The following RUSC2 variants were observed in gnomAD, a reference collection of about 807,000 sequenced individuals.
The protein encoded by RUSC2 is RUN and SH3 domain containing 2, also known as AP-4 complex accessory subunit RUSC2.
RUSC2 carries 34 observed loss-of-function variants against 122.2 expected under a neutral mutation model. The observed-to-expected ratio is 0.28, with a 90% CI of 0.21 to 0.37. The LOEUF (loss-of-function observed/expected upper bound fraction) is 0.37, where lower values mean the gene tolerates loss of function less well. Ranked by LOEUF, RUSC2 falls within the 10% of genes least tolerant of loss-of-function variation. The probability of loss-of-function intolerance (pLI) is 1.00; values close to 1 mark genes in which losing one functional copy is unlikely to be tolerated. For synonymous variants in RUSC2, 784 were observed against 790.0 expected, an observed-to-expected ratio of 0.99 and a Z score of 0.13; for missense variants, 1,747 against 1,952.4, an observed-to-expected ratio of 0.89 and a Z score of 1.98.
chr9:35,503,050 T>C (rs1221861519), intron 1 of RUSC2, among the ~76,000 whole-genome samples: 1 of 151,946 alleles, frequency 6.6e-6, no homozygotes, highest in East Asian at 1.9e-4. Context: ...TTAGTAGAGA[T>C]AGGGTTTCAT....
At chr9:35,544,714 CTT>C (rs1232755503) in intron 1 of RUSC2, among the ~76,000 whole-genome samples, 2 of 151,694 alleles carry the variant, frequency 1.3e-5, no homozygotes, top group African/African-American at 4.8e-5. Flanking sequence ...TATGGATTGT[CTT>C]TTCACTTTCT....
In RUSC2 at chr9:35,538,030, G is replaced by C. The variant is rs147819628; in HGVS notation, c.-92-8400G>C. ...TCTGTAGGTCTCCAGGCAGAACTGAGATTTTTCTGTGGCCTAGGAGAGACC... is the reference window on the plus strand; with the variant it reads ...TCTGTAGGTCTCCAGGCAGAACTGACATTTTTCTGTGGCCTAGGAGAGACC... On this transcript the variant is annotated intron_variant, in intron 1 of 11. Transcript: ENST00000361226. 1.4e-4 allele frequency among the ~76,000 whole-genome samples: 22 copies of C among 152,298 alleles called. No homozygotes were observed. In the East Asian group the frequency reaches 4.1e-3, roughly 28 times the overall value.
chr9:35,528,987 T>C (rs963005991), intron 1 of RUSC2, among the ~76,000 whole-genome samples: 1 of 152,208 alleles, frequency 6.6e-6, no homozygotes, highest in Admixed American at 6.6e-5. Context: ...ATAAATTAGC[T>C]TAAAAGCCTT....
intron 5 of RUSC2, among the ~76,000 whole-genome samples, chr9:35,556,713 G>C (rs964881000): frequency 1.3e-5 from 2 of 152,216 alleles, no homozygotes. Flanking sequence ...TGTAATCCCA[G>C]CTACTCGGGA....
intron 1 of RUSC2, among the ~76,000 whole-genome samples, chr9:35,537,839 C>A (rs117463696): frequency 3.9e-5 from 6 of 152,324 alleles, no homozygotes; most frequent in Non-Finnish European, 8.8e-5. Context: ...TTAAGACTAT[C>A]TCTGTGTTCA....
intron 2 of RUSC2, among the ~76,000 whole-genome samples, chr9:35,551,694 T>G (rs375322001): frequency 6.6e-6 from 1 of 152,216 alleles, no homozygotes; most frequent in Non-Finnish European, 1.5e-5. Flanking sequence ...CAAAAATGAA[T>G]GACAATTCAT....
At chr9:35,510,302 G>A (rs1458102351) in intron 1 of RUSC2, among the ~76,000 whole-genome samples, 2 of 152,096 alleles carry the variant, frequency 1.3e-5, no homozygotes, top group Non-Finnish European at 2.9e-5. Flanking sequence ...GCTTGAGCCC[G>A]GGAGTTCAAG....
intron 1 of RUSC2, among the ~76,000 whole-genome samples, chr9:35,541,247 C>T (rs528767405): frequency 2.0e-5 from 3 of 152,068 alleles, no homozygotes; most frequent in African/African-American, 7.2e-5. Flanking sequence ...TCTGTTTCTC[C>T]CCCATCCTCA....
chr9:35,507,562 A>C (rs928123235), intron 1 of RUSC2: 5 of 213,150 alleles, frequency 2.3e-5, no homozygotes, highest in African/African-American at 1.2e-4. Flanking sequence ...ACTCCAGCGA[A>C]CATGGTGAAT....
At chr9:35,531,956 G>A (rs1821428688) in intron 1 of RUSC2, among the ~76,000 whole-genome samples, 1 of 152,194 alleles carries the variant, frequency 6.6e-6, no homozygotes, top group African/African-American at 2.4e-5. Flanking sequence ...AACCCGGGAG[G>A]CAGAGCTTGC....
rs755538314 is a variant in RUSC2 at position 35,560,032 on chromosome 9, T to A, written c.3392T>A (p.Ile1131Asn). The change falls in exon 10 of 12, where the codon ATC becomes AAC. Residue 1131 changes from isoleucine to asparagine, a missense_variant. By Grantham distance (149) the Ile-to-Asn change is moderately radical. Coordinates refer to ENST00000361226, the MANE Select transcript of RUSC2 (RefSeq NM_014806.5). Reference sequence around the variant, plus strand: ...GTCCCTCTCTCTTTTCCCCTAGACATCATCCAGACCCACTACCAGCCCTGG... The same window carrying A: ...GTCCCTCTCTCTTTTCCCCTAGACAACATCCAGACCCACTACCAGCCCTGG... ...WFNHLYNHED[I>N]IQTHYQPWGF... 4 of 1,589,846 alleles carry A rather than the reference T, an allele frequency of 2.5e-6. No homozygotes were observed. The highest frequency in any genetic ancestry group is 1.1e-5 in the South Asian group (1 of 89,432).
chr9:35,550,116 G>A (rs1821857029), intron 2 of RUSC2, among the ~76,000 whole-genome samples: 1 of 151,836 alleles, frequency 6.6e-6, no homozygotes, highest in African/African-American at 2.4e-5. Context: ...GGAGGCTGAG[G>A]CAGGAGAATC....
chr9:35,524,831 C>T (rs112179183), intron 1 of RUSC2, among the ~76,000 whole-genome samples: 12,871 of 152,016 alleles, frequency 0.085, 749 homozygotes, highest in Non-Finnish European at 0.13. Context: ...ATTAGCCGGG[C>T]GTGGTGGCGG....
Position 35,558,407 on chromosome 9 carries a change from G to A in RUSC2, c.3235+36G>A. On this transcript the variant is annotated intron_variant, in intron 7 of 11. Transcript: ENST00000361226. This position sits in a 1 kb window ranked among gnomAD's most constrained non-coding sequence, Gnocchi z 4.3. ...GGTGCCAAGACGGGGACCCAGGGCT[G>A]AATTTAGGGCTCCAGAAATTGGTCA... is the stretch of plus-strand genomic sequence containing the variant. 6.2e-7 allele frequency: 1 copy of A among 1,613,972 alleles called. No homozygotes were observed. Among genetic ancestry groups the A allele is most frequent in the Non-Finnish European group, 8.5e-7 (1 of 1,179,852 alleles).
At chr9:35,529,189 G>C (rs1016486817) in intron 1 of RUSC2, among the ~76,000 whole-genome samples, 1 of 152,122 alleles carries the variant, frequency 6.6e-6, no homozygotes. Context: ...GAGATATAAA[G>C]AAAATGCATA....
intron 1 of RUSC2, among the ~76,000 whole-genome samples, chr9:35,542,082 T>C (rs947488399): frequency 2.6e-5 from 4 of 152,184 alleles, no homozygotes; most frequent in Non-Finnish European, 5.9e-5. Context: ...GGGCAAAGCA[T>C]GAGTACAAAA....
chr9:35,549,293 G>GTTTTTTTTTTTTTTTTTTTTTT (rs10625373), intron 2 of RUSC2: 1 of 755,186 alleles, frequency 1.3e-6, no homozygotes. Flanking sequence ...CGTCAGTGAA[G>GTTTTTTTTTTTTTTTTTTTTTT]TTTTTTTTTT....
At chr9:35,513,814 C>A (rs1821052254) in intron 1 of RUSC2, among the ~76,000 whole-genome samples, 1 of 147,298 alleles carries the variant, frequency 6.8e-6, no homozygotes, top group South Asian at 2.1e-4. Flanking sequence ...GAGTTTGAGA[C>A]CAGTGTGGGC....
Position 35,557,475 on chromosome 9 carries a change from C to T in RUSC2, c.2984-439C>T, listed in dbSNP as rs963137439. Among the ~76,000 whole-genome samples, 3 of 152,098 alleles carry T rather than the reference C, an allele frequency of 2.0e-5. No individual in the cohort carries two copies. Among genetic ancestry groups the T allele is most frequent in the Non-Finnish European group, 2.9e-5 (2 of 68,014 alleles). ...ACCAAGGGCTTGAGAGGAGGGGTGT[C>T]GATTTCACATGGCAACTTGAGGGTA... On this transcript the variant is annotated intron_variant, in intron 5 of 11. Transcript: ENST00000361226. The surrounding 1 kb of genome is among the most constrained non-coding windows in gnomAD (Gnocchi z 4.6).
Sources: allele counts gnomAD v4.1 joint callset (sites outside exome capture counted in the v4.1 genomes callset), GRCh38; gene constraint gnomAD v4.1.1; non-coding constraint Gnocchi (gnomAD v3.1); transcripts MANE v1.5; gene names NCBI Gene and HGNC (gene_info 2026-07-23, HGNC 2026-07-21).